Variants in TENT4B observed in about 807,000 individuals in gnomAD.
TENT4B encodes terminal nucleotidyltransferase 4B.
In TENT4B, 10 loss-of-function variants were observed where a neutral mutation model predicts 75.0. The observed-to-expected ratio is 0.13, with a 90% confidence interval of 0.08 to 0.23. The LOEUF (loss-of-function observed/expected upper bound fraction) is 0.23. Ranked by LOEUF, TENT4B falls within the 10% of genes least tolerant of loss-of-function variation. The probability of loss-of-function intolerance (pLI) is 1.00; values close to 1 mark genes in which losing one functional copy is unlikely to be tolerated. For missense variants in TENT4B, 579 were observed against 893.8 expected (o/e 0.65, Z 4.49); for synonymous variants, 350 against 357.7 (o/e 0.98, Z 0.24).
intron 1 of TENT4B, among the ~76,000 whole-genome samples, chr16:50,160,471 A>G (rs2037982899): frequency 6.6e-6 from 1 of 152,228 alleles, no homozygotes; most frequent in African/African-American, 2.4e-5. Flanking sequence ...AGAAAATTCT[A>G]AGTCAGGAAC....
At chr16:50,177,537 T>C (rs150107751) in intron 1 of TENT4B, among the ~76,000 whole-genome samples, 1 of 152,286 alleles carries the variant, frequency 6.6e-6, no homozygotes, top group Admixed American at 6.5e-5. Context: ...ATAATATTTC[T>C]TTGTTTTGCT....
intron 1 of TENT4B, among the ~76,000 whole-genome samples, chr16:50,179,596 TG>T (rs1342984014): frequency 1.3e-5 from 2 of 152,192 alleles, no homozygotes; most frequent in African/African-American, 4.8e-5. Context: ...AGGACCACTC[TG>T]CTTATTCATT....
chr16:50,186,445 A>G (rs1234142618), intron 1 of TENT4B, among the ~76,000 whole-genome samples: 3 of 152,178 alleles, frequency 2.0e-5, no homozygotes, highest in Non-Finnish European at 4.4e-5. Context: ...AGTTAATATT[A>G]CATTGTTTAT....
chr16:50,194,156 CTT>C (rs1012179903), intron 1 of TENT4B, among the ~76,000 whole-genome samples: 1 of 151,076 alleles, frequency 6.6e-6, no homozygotes, highest in African/African-American at 2.4e-5. Context: ...ATTTTTTTCT[CTT>C]TTGAGATAGT....
At chr16:50,169,492 T>C (rs1597228584) in intron 1 of TENT4B, among the ~76,000 whole-genome samples, 3 of 150,044 alleles carry the variant, frequency 2.0e-5, no homozygotes, top group Admixed American at 1.3e-4. Flanking sequence ...GTATTAGTTA[T>C]TAATGATTAC....
intron 1 of TENT4B, among the ~76,000 whole-genome samples, chr16:50,188,001 T>C (rs2038566965): frequency 2.6e-5 from 4 of 152,222 alleles, no homozygotes; most frequent in Admixed American, 2.0e-4. Flanking sequence ...ACTCCTGGGC[T>C]CAAGCAGTTC....
At chr16:50,225,318 A>G (rs369725655) in intron 10 of TENT4B, 33 bp downstream of exon 10, 2 of 1,571,656 alleles carry the variant, frequency 1.3e-6, no homozygotes, top group Admixed American at 3.6e-5. Flanking sequence ...TTCTGAACTC[A>G]GATGCATGCA....
At chr16:50,218,794 G>C (rs1219957327) in intron 5 of TENT4B, among the ~76,000 whole-genome samples, 1 of 151,828 alleles carries the variant, frequency 6.6e-6, no homozygotes, top group African/African-American at 2.4e-5. Context: ...TTTCTATTCT[G>C]TTTTCTTCCA....
chr16:50,156,345 ATTTT>A (rs11346495), intron 1 of TENT4B, among the ~76,000 whole-genome samples: 2 of 141,476 alleles, frequency 1.4e-5, no homozygotes, highest in South Asian at 2.2e-4. Context: ...ATGTATTCTG[ATTTT>A]TTTTTTTTTT....
chr16:50,198,518 A>G (rs2030426842), intron 1 of TENT4B, among the ~76,000 whole-genome samples: 1 of 152,106 alleles, frequency 6.6e-6, no homozygotes, highest in African/African-American at 2.4e-5. Context: ...GCAAAGCCAG[A>G]AAAGTGAAGA....
chr16:50,199,088 G>C (rs2030470406), intron 1 of TENT4B, among the ~76,000 whole-genome samples: 1 of 152,232 alleles, frequency 6.6e-6, no homozygotes, highest in Non-Finnish European at 1.5e-5. Flanking sequence ...TGCAGCCAGA[G>C]GAAAGGAGGT....
At position 50,153,315 on chromosome 16, in the gene TENT4B, A is replaced by AGCC. The variant is rs1023664305; in HGVS notation, c.-288_-286dup. Among the ~76,000 whole-genome samples, 120 of 135,926 alleles carry AGCC rather than the reference A, an allele frequency of 8.8e-4. 1 individual carries two copies. Among genetic ancestry groups the AGCC allele is most frequent in the Admixed American group, 1.7e-3 (23 of 13,426 alleles). The allele number at this position is 135,926 out of a possible 152,430, so 89.2% of individuals were successfully genotyped here. A position where few individuals can be genotyped will look rare whatever the true frequency, so the allele number is the denominator to read the frequency against. ...GCCGCCGCCGCTCGCTCTTCTGTGG[A>AGCC]GCCGCCGCCGCCGCCGCCGCCATTT... is the stretch of plus-strand genomic sequence containing the variant. On this transcript the variant is annotated 5_prime_UTR_variant, in exon 1 of 12. Transcript: ENST00000561678.
At chr16:50,214,610 C>T (rs1465842334) in intron 3 of TENT4B, among the ~76,000 whole-genome samples, 6 of 152,078 alleles carry the variant, frequency 3.9e-5, no homozygotes, top group Non-Finnish European at 8.8e-5. Context: ...GAGCCGAGAT[C>T]GCGCCACTGC....
intron 1 of TENT4B, among the ~76,000 whole-genome samples, chr16:50,182,154 C>T (rs1018900996): frequency 7.9e-5 from 12 of 152,104 alleles, no homozygotes; most frequent in Admixed American, 7.9e-4. Flanking sequence ...GTGGTCCCAG[C>T]TACTCAGTAG....
intron 5 of TENT4B, among the ~76,000 whole-genome samples, chr16:50,219,093 GGTGT>G (rs145308558): frequency 3.3e-5 from 5 of 151,212 alleles, no homozygotes; most frequent in East Asian, 1.9e-4. Flanking sequence ...CTATATTGGG[GGTGT>G]GTGTGTGTGT....
intron 1 of TENT4B, among the ~76,000 whole-genome samples, chr16:50,166,080 C>CTTT (rs34403390): frequency 4.3e-5 from 5 of 117,548 alleles, no homozygotes; most frequent in Non-Finnish European, 6.9e-5. Context: ...CTTGACAGCA[C>CTTT]TTTTTTTTTT....
In TENT4B at chr16:50,230,921, A is replaced by T; in HGVS notation, c.*1593A>T. 1 of 978,666 alleles carries T rather than the reference A, an allele frequency of 1.0e-6. No homozygotes were observed. Among genetic ancestry groups the T allele is most frequent in the South Asian group, 4.7e-5 (1 of 21,166 alleles). 60.6% of individuals were successfully genotyped at this position (978,666 alleles called of 1,614,324 possible). ...TTTCTGAGACGAGATTCTTTTATAT[A>T]TATATACATATAAAGTACTATTGGC... On this transcript the variant is annotated 3_prime_UTR_variant, in exon 12 of 12. Coordinates refer to ENST00000561678, the MANE Select transcript of TENT4B (RefSeq NM_001365324.3).
chr16:50,214,492 C>G, intron 3 of TENT4B, among the ~76,000 whole-genome samples: 1 of 152,076 alleles, frequency 6.6e-6, no homozygotes, highest in East Asian at 1.9e-4. Flanking sequence ...CCCATCTCTA[C>G]TAGAAATACA....
At chr16:50,155,190 A>T (rs2037867408) in intron 1 of TENT4B, among the ~76,000 whole-genome samples, 1 of 151,668 alleles carries the variant, frequency 6.6e-6, no homozygotes, top group African/African-American at 2.4e-5. Flanking sequence ...TTCCAACTAG[A>T]TCTCCCTTCA....
Sources: gnomAD v4.1 joint callset for allele counts (sites outside exome capture counted in the v4.1 genomes callset) on GRCh38, gnomAD v4.1.1 for gene constraint, MANE v1.5 for transcripts, NCBI Gene and HGNC (gene_info 2026-07-23, HGNC 2026-07-21) for gene names.